SLC25A16: variants seen among roughly 807,000 people sequenced by gnomAD.
SLC25A16 encodes mitochondrial coenzyme A transporter SLC25A16.
Under a neutral mutation model 41.5 loss-of-function variants are expected in SLC25A16, and 39 were observed. The ratio of observed to expected loss-of-function variants is 0.94; its 90% CI spans 0.73 to 1.23. The LOEUF is 1.23. SLC25A16 is among the 50% of genes most tolerant of loss of function. The pLI is 0.00. For missense variants in SLC25A16, 421 were observed against 426.9 expected, an observed-to-expected ratio of 0.99 and a Z score of 0.12; for synonymous variants, 146 against 147.8, an observed-to-expected ratio of 0.99 and a Z score of 0.09.
At chr10:68,513,851 G>T (rs2053112298) in intron 2 of SLC25A16, among the ~76,000 whole-genome samples, 1 of 151,898 alleles carries the variant, frequency 6.6e-6, no homozygotes, top group Admixed American at 6.6e-5. Context: ...GATTGAGCCA[G>T]CCTGGGCAAC....
At chr10:68,485,375 C>A (rs1431640484) in intron 8 of SLC25A16, among the ~76,000 whole-genome samples, 1 of 151,884 alleles carries the variant, frequency 6.6e-6, no homozygotes, top group Non-Finnish European at 1.5e-5. Flanking sequence ...CAGGTGTGAG[C>A]CACCGCGTCC....
At chr10:68,525,644 A>G (rs2053325059) in intron 1 of SLC25A16, among the ~76,000 whole-genome samples, 1 of 152,100 alleles carries the variant, frequency 6.6e-6, no homozygotes, top group African/African-American at 2.4e-5. Flanking sequence ...TAAATTTTTG[A>G]ATCTTAAATA....
chr10:68,490,203 C>A (rs1274848840), intron 6 of SLC25A16, among the ~76,000 whole-genome samples: 19 of 152,064 alleles, frequency 1.2e-4, no homozygotes, highest in Admixed American at 1.2e-3. Context: ...GTCAAGGCTG[C>A]AGTGAGCCAC....
chr10:68,496,506 T>C, intron 4 of SLC25A16: 1 of 985,038 alleles, frequency 1.0e-6, no homozygotes, highest in South Asian at 4.7e-5. Flanking sequence ...TAGTAGAATA[T>C]GTTTACCTAC....
chr10:68,498,597 G>A (rs1316892862), intron 4 of SLC25A16, among the ~76,000 whole-genome samples: 3 of 152,194 alleles, frequency 2.0e-5, no homozygotes, highest in African/African-American at 7.2e-5. Flanking sequence ...CCAGGAGGCT[G>A]AGCGGGGAGG....
intron 7 of SLC25A16, among the ~76,000 whole-genome samples, chr10:68,487,566 G>C (rs2052585134): frequency 6.6e-6 from 1 of 152,118 alleles, no homozygotes; most frequent in Admixed American, 6.6e-5. Context: ...ATTTTCGGTT[G>C]GATCATCCTT....
rs185599808 is a variant in SLC25A16 at position 68,482,342 on chromosome 10, A to G, written c.*1090T>C. On this transcript the variant is annotated 3_prime_UTR_variant, in exon 9 of 9. Coordinates refer to ENST00000609923, the MANE Select transcript of SLC25A16 (RefSeq NM_152707.4). Reference sequence around the variant, plus strand: ...CATAAAAAGTACTCTAAACAGAATAAATGGAATTCTTACATTTTAAAACAT... The same window carrying G: ...CATAAAAAGTACTCTAAACAGAATAGATGGAATTCTTACATTTTAAAACAT... 2.6e-5 allele frequency: 4 copies of G among 152,684 alleles called. No homozygotes were observed. Among genetic ancestry groups the G allele is most frequent in the African/African-American group, 9.6e-5 (4 of 41,568 alleles). 9.5% of individuals were successfully genotyped at this position (152,684 alleles called of 1,614,324 possible).
rs2053351834 is a variant in SLC25A16, at chr10:68,527,238, G to A, written c.130+8C>T. On this transcript the variant is annotated splice_region_variant and intron_variant, in intron 1 of 8. Transcript: ENST00000609923. Reference sequence around the variant, plus strand: ...GAGCGCGGCTGGCTCTTCGTGGCATGGACCCACCTCCGGCCAGAAAGGAGC... The same window carrying A: ...GAGCGCGGCTGGCTCTTCGTGGCATAGACCCACCTCCGGCCAGAAAGGAGC... 6.5e-7 allele frequency: 1 copy of A among 1,547,338 alleles called. No homozygotes were observed. The highest frequency in any genetic ancestry group is 8.7e-7 in the Non-Finnish European group (1 of 1,145,442).
At chr10:68,486,147 G>A (rs1366156370) in intron 8 of SLC25A16, among the ~76,000 whole-genome samples, 1 of 149,678 alleles carries the variant, frequency 6.7e-6, no homozygotes, top group Non-Finnish European at 1.5e-5. Context: ...GAACCCGGAA[G>A]GGGGAGGTTG....
At chr10:68,502,213 CA>C (rs796673637) in intron 4 of SLC25A16, among the ~76,000 whole-genome samples, 5 of 147,968 alleles carry the variant, frequency 3.4e-5, no homozygotes, top group South Asian at 2.1e-4. Context: ...GACTCCGTCT[CA>C]AAAAAAAAGA....
intron 1 of SLC25A16, among the ~76,000 whole-genome samples, chr10:68,526,781 C>T (rs145839421): frequency 5.3e-5 from 8 of 152,274 alleles, no homozygotes; most frequent in Non-Finnish European, 8.8e-5. Flanking sequence ...TCACTGGAAC[C>T]AGTTTTGGCT....
At position 68,483,492 on chromosome 10, in the gene SLC25A16, G is replaced by A; in HGVS notation, c.939C>T (p.Pro313=). The change falls in exon 9 of 9, where the codon CCC becomes CCT. Residue 313 remains proline, a synonymous_variant. Transcript: ENST00000609923. Reference sequence around the variant, plus strand: ...ATGTTGTAAAAGCCACTGCTTGAGAGGGAATACAGCGAATGTAATTAAGAG... The same window carrying A: ...ATGTTGTAAAAGCCACTGCTTGAGAAGGAATACAGCGAATGTAATTAAGAG... ...GLSLNYIRCI[P]SQAVAFTTYE... is the part of the protein sequence containing the mutation. 1 of 1,612,596 alleles carries A rather than the reference G, an allele frequency of 6.2e-7. No individual in the cohort carries two copies. The highest frequency in any genetic ancestry group is 8.5e-7 in the Non-Finnish European group (1 of 1,179,450).
At chr10:68,519,217 A>G (rs1226028559) in intron 1 of SLC25A16, among the ~76,000 whole-genome samples, 3 of 145,322 alleles carry the variant, frequency 2.1e-5, no homozygotes, top group African/African-American at 7.7e-5. Context: ...GGCTGGGCGC[A>G]GTGGCTCATG....
intron 4 of SLC25A16, among the ~76,000 whole-genome samples, chr10:68,495,309 G>A (rs747615645): frequency 6.6e-5 from 10 of 151,952 alleles, no homozygotes; most frequent in African/African-American, 1.2e-4. Flanking sequence ...TACTCTACTC[G>A]GGAGGCTGAG....
chr10:68,506,458 A>T (rs1286161123), intron 3 of SLC25A16, 127 bp downstream of exon 3: 1 of 692,180 alleles, frequency 1.4e-6, no homozygotes, highest in Non-Finnish European at 2.1e-6. Flanking sequence ...TTAAAAAAAA[A>T]AAACCAATAA....
intron 1 of SLC25A16, among the ~76,000 whole-genome samples, chr10:68,519,289 C>A (rs2053212778): frequency 6.6e-6 from 1 of 151,486 alleles, no homozygotes; most frequent in South Asian, 2.1e-4. Flanking sequence ...GAGTTCAAGA[C>A]CAGCCTGGCC....
At chr10:68,499,161 C>A (rs1217240294) in intron 4 of SLC25A16, among the ~76,000 whole-genome samples, 1 of 152,054 alleles carries the variant, frequency 6.6e-6, no homozygotes, top group Admixed American at 6.6e-5. Flanking sequence ...TCCTCTTTAA[C>A]AAACATACAG....
At chr10:68,497,497 A>T (rs953447475) in intron 4 of SLC25A16, among the ~76,000 whole-genome samples, 1 of 152,162 alleles carries the variant, frequency 6.6e-6, no homozygotes, top group Admixed American at 6.6e-5. Context: ...ATGTTCTTAG[A>T]GTAGGATCTA....
chr10:68,496,907 C>T (rs1399992018), intron 4 of SLC25A16: 2 of 156,348 alleles, frequency 1.3e-5, no homozygotes, highest in Non-Finnish European at 2.8e-5. Context: ...AACTCCTGGG[C>T]TCAAATGTTC....
Sources: gnomAD v4.1 joint callset for allele counts (sites outside exome capture counted in the v4.1 genomes callset) on GRCh38, gnomAD v4.1.1 for gene constraint, MANE v1.5 for transcripts, NCBI Gene and HGNC (gene_info 2026-07-23, HGNC 2026-07-21) for gene names.